The following DECR1 variants were observed in gnomAD, a reference collection of about 807,000 sequenced individuals.
The protein encoded by DECR1 is 2,4-dienoyl-CoA reductase 1.
DECR1 carries 44 observed loss-of-function variants against 38.8 expected under a neutral mutation model. The ratio of observed to expected loss-of-function variants is 1.13; its 90% CI spans 0.89 to 1.46. The LOEUF is 1.46. Ranked by LOEUF, DECR1 falls within the 40% of genes most tolerant of loss-of-function variation. The pLI is 0.00. For missense variants in DECR1, 428 were observed against 405.5 expected, an observed-to-expected ratio of 1.06 and a Z score of -0.48; for synonymous variants, 148 against 135.2, an observed-to-expected ratio of 1.09 and a Z score of -0.66.
rs569823760 is a variant in DECR1 at position 90,014,540 on chromosome 8, T to G, written c.70-2584T>G. Among the ~76,000 whole-genome samples, 6 of 152,356 alleles carry G rather than the reference T, an allele frequency of 3.9e-5. No individual in the cohort carries two copies. In the South Asian group the frequency reaches 1.2e-3, roughly 32 times the overall value. On this transcript the variant is annotated intron_variant, in intron 1 of 9. Transcript: ENST00000220764. ...TCATATAAGATAAAAATGTGCTATG[T>G]AATAACCTGTTACATTATGGACACT...
Position 90,012,666 on chromosome 8 carries a change from G to A in DECR1, c.70-4458G>A, listed in dbSNP as rs114101273. Among the ~76,000 whole-genome samples the A allele has an allele frequency of 2.1e-3, 317 of 152,208 alleles. 2 individuals carry two copies. The highest frequency in any genetic ancestry group is 7.3e-3 in the African/African-American group (305 of 41,528). On this transcript the variant is annotated intron_variant, in intron 1 of 9. Transcript: ENST00000220764. ...ACATTAAGTAAGACAAGCATTTACC[G>A]AATGCCTAACTGGTGCCAGAAACTG...
At chr8:90,024,182 G>A (rs1266358106) in intron 5 of DECR1, among the ~76,000 whole-genome samples, 1 of 152,178 alleles carries the variant, frequency 6.6e-6, no homozygotes, top group Non-Finnish European at 1.5e-5. Context: ...AAGCATACAT[G>A]TGCATATGTC....
At chr8:90,041,966 A>C (rs751797292) in intron 6 of DECR1, among the ~76,000 whole-genome samples, 2 of 152,162 alleles carry the variant, frequency 1.3e-5, no homozygotes, top group Admixed American at 1.3e-4. Context: ...ATATACACAC[A>C]AATATACATA....
At chr8:90,028,137 G>A (rs1191623180) in intron 5 of DECR1, among the ~76,000 whole-genome samples, 2 of 152,104 alleles carry the variant, frequency 1.3e-5, no homozygotes, top group Non-Finnish European at 2.9e-5. Flanking sequence ...TTGTCCAACA[G>A]GTGATAGGTT....
intron 6 of DECR1, among the ~76,000 whole-genome samples, chr8:90,037,747 C>A (rs902891012): frequency 6.6e-6 from 1 of 152,134 alleles, no homozygotes; most frequent in Non-Finnish European, 1.5e-5. Context: ...CTACACCCAG[C>A]CATGATTGCT....
chr8:90,051,471 A>G (rs570652402), intron 8 of DECR1, among the ~76,000 whole-genome samples: 1 of 152,318 alleles, frequency 6.6e-6, no homozygotes, highest in East Asian at 1.9e-4. Flanking sequence ...TATTGGGTAG[A>G]TATTTGAAAT....
chr8:90,007,254 C>T (rs557406961), intron 1 of DECR1, among the ~76,000 whole-genome samples: 4 of 152,028 alleles, frequency 2.6e-5, no homozygotes, highest in Non-Finnish European at 5.9e-5. Flanking sequence ...GGAGCTAGGT[C>T]GTGAAGACAT....
At chr8:90,041,394 G>T (rs1056187420) in intron 6 of DECR1, among the ~76,000 whole-genome samples, 13 of 152,084 alleles carry the variant, frequency 8.5e-5, no homozygotes, top group Non-Finnish European at 1.9e-4. Context: ...TTATCAGATG[G>T]ATAGATTGCA....
At chr8:90,012,793 T>C (rs1328988435) in intron 1 of DECR1, among the ~76,000 whole-genome samples, 2 of 152,232 alleles carry the variant, frequency 1.3e-5, no homozygotes, top group Non-Finnish European at 2.9e-5. Flanking sequence ...TTGGAAGCCT[T>C]CCATTTGCCT....
At chr8:90,033,269 A>G (rs1049173897) in intron 5 of DECR1, among the ~76,000 whole-genome samples, 7 of 152,140 alleles carry the variant, frequency 4.6e-5, no homozygotes, top group African/African-American at 1.7e-4. Flanking sequence ...ATGATTTTTG[A>G]TGTTCTTTTA....
At chr8:90,022,935 AAATATCT>A (rs1813202385) in intron 5 of DECR1, among the ~76,000 whole-genome samples, 1 of 152,190 alleles carries the variant, frequency 6.6e-6, no homozygotes, top group African/African-American at 2.4e-5. Flanking sequence ...ATATTAGATA[AAATATCT>A]TTTTAAAAGA....
At chr8:90,049,681 A>G (rs894495855) in intron 8 of DECR1, among the ~76,000 whole-genome samples, 1 of 152,258 alleles carries the variant, frequency 6.6e-6, no homozygotes, top group African/African-American at 2.4e-5. Context: ...AACTACTTTT[A>G]AAGTTCATAT....
In DECR1 at chr8:90,020,987, G is replaced by A. The variant is rs769944318; in HGVS notation, c.496G>A (p.Asp166Asn). The stretch of plus-strand genomic sequence containing the variant: ...TCCTAATGCTTGGAAAACCATAACT[G>A]ACATAGTTCTAAATGGCACAGCCTT... ...LSPNAWKTITDIVLNGTAFVT... is the reference protein window; with the variant it reads ...LSPNAWKTITNIVLNGTAFVT... The change falls in exon 5 of 10, where the codon GAC (aspartate) becomes AAC (asparagine). Residue 166 changes from aspartate to asparagine, a missense_variant. Transcript: ENST00000220764. 2 of 1,597,502 alleles carry A rather than the reference G, an allele frequency of 1.3e-6. No homozygotes were observed. The highest frequency in any genetic ancestry group is 1.8e-5 in the Admixed American group (1 of 56,238).
intron 1 of DECR1, among the ~76,000 whole-genome samples, chr8:90,007,993 T>C (rs1015487258): frequency 6.6e-6 from 1 of 152,202 alleles, no homozygotes; most frequent in Non-Finnish European, 1.5e-5. Context: ...ATAAAAGCAG[T>C]GATAGAACTG....
In DECR1 at chr8:90,018,940, C is replaced by G. The variant is rs529586632; in HGVS notation, c.304C>G (p.Gln102Glu). 1 of 1,594,676 alleles carries G rather than the reference C, an allele frequency of 6.3e-7. No homozygotes were observed. The highest frequency in any genetic ancestry group is 8.6e-7 in the Non-Finnish European group (1 of 1,166,180). Reference sequence around the variant, plus strand: ...GGATGTTTTGAAAGCTACCGCAGAACAAATTTCTTCTCAAACTGGAAATAA... The same window carrying G: ...GGATGTTTTGAAAGCTACCGCAGAAGAAATTTCTTCTCAAACTGGAAATAA... Reference protein sequence around the residue: ...KMDVLKATAEQISSQTGNKVH... With the variant: ...KMDVLKATAEEISSQTGNKVH... Residue 102 changes from glutamine (Q) to glutamate (E), a missense_variant, in exon 3 of 10, where the codon CAA (glutamine) becomes GAA (glutamate). By Grantham distance (29) the Gln-to-Glu change is conservative. Transcript: ENST00000220764.
chr8:90,027,842 G>A (rs1813392688), intron 5 of DECR1, among the ~76,000 whole-genome samples: 1 of 151,714 alleles, frequency 6.6e-6, no homozygotes, highest in South Asian at 2.1e-4. Flanking sequence ...ATTGAGATGG[G>A]TATATTTTTA....
At chr8:90,040,712 G>A (rs112717552) in intron 6 of DECR1, among the ~76,000 whole-genome samples, 31 of 152,256 alleles carry the variant, frequency 2.0e-4, no homozygotes, top group African/African-American at 7.2e-4. Context: ...TTATGAGTAA[G>A]AACATGCAGT....
intron 1 of DECR1, among the ~76,000 whole-genome samples, chr8:90,015,010 G>A (rs554338516): frequency 1.3e-5 from 2 of 152,056 alleles, no homozygotes; most frequent in African/African-American, 4.8e-5. Flanking sequence ...ATGATGACTG[G>A]CATGGAGCAT....
At chr8:90,018,711 C>A in intron 2 of DECR1, 198 bp from the exon 3 acceptor site, 1 of 505,684 alleles carries the variant, frequency 2.0e-6, no homozygotes, top group Non-Finnish European at 3.6e-6. Context: ...TTAAAAGTGA[C>A]TAATTCAATA....
Sources: allele counts gnomAD v4.1 joint callset (sites outside exome capture counted in the v4.1 genomes callset), GRCh38; gene constraint gnomAD v4.1.1; transcripts MANE v1.5; gene names NCBI Gene and HGNC (gene_info 2026-07-23, HGNC 2026-07-21).